The following CD82 variants were observed in gnomAD, a reference collection of about 807,000 sequenced individuals.
CD82 encodes CD82 antigen.
Under a neutral mutation model 37.4 loss-of-function variants are expected in CD82, and 36 were observed. The observed-to-expected ratio is 0.96, with a 90% CI of 0.74 to 1.27. The LOEUF (loss-of-function observed/expected upper bound fraction) is 1.27. CD82 is among the 50% of genes most tolerant of loss of function. CD82 has a pLI of 0.00. For missense variants in CD82, 340 were observed against 347.0 expected (o/e 0.98, Z 0.16); for synonymous variants, 158 against 137.4 (o/e 1.15, Z -1.05).
intron 3 of CD82, 142 bp downstream of exon 3, chr11:44,594,867 C>T (rs7925576): frequency 7.7e-5 from 53 of 684,982 alleles, no homozygotes; most frequent in South Asian, 1.8e-4. Flanking sequence ...CTATCTCCAA[C>T]GGAACCTAGT....
At chr11:44,581,066 T>C (rs568137301) in intron 1 of CD82, among the ~76,000 whole-genome samples, 1 of 152,300 alleles carries the variant, frequency 6.6e-6, no homozygotes, top group Admixed American at 6.5e-5. Context: ...CTGGGATCAG[T>C]GTGCAAGCTG....
At chr11:44,579,564 C>T (rs11607295) in intron 1 of CD82, among the ~76,000 whole-genome samples, 63,635 of 151,988 alleles carry the variant, frequency 0.42, 14,439 homozygotes, top group East Asian at 0.81. Context: ...TCTCACTCCC[C>T]GCTCTGTACC....
chr11:44,585,301 C>T (rs556856177), intron 1 of CD82: 3 of 456,178 alleles, frequency 6.6e-6, no homozygotes, highest in African/African-American at 6.0e-5. Flanking sequence ...TAGTTGGTAA[C>T]ATTTATCTGA....
In CD82 at chr11:44,605,086, G is replaced by C. The variant is rs1482594040; in HGVS notation, c.165G>C (p.Gly55=). Residue 55 remains glycine, a synonymous_variant, in exon 5 of 10, where the codon GGG becomes GGC. Transcript: ENST00000227155. ...CCTCCTCCAGCTCGCTTAGGATGGG[G>C]GCCTATGTCTTCATCGGCGTGGGGG... is the stretch of plus-strand genomic sequence containing the variant. ...LQTSSSSLRM[G]AYVFIGVGAV... 6.2e-7 allele frequency: 1 copy of C among 1,614,180 alleles called. No individual in the cohort carries two copies. Among genetic ancestry groups the C allele is most frequent in the Admixed American group, 1.7e-5 (1 of 60,034 alleles).
At chr11:44,582,372 T>C (rs1366607566) in intron 1 of CD82, among the ~76,000 whole-genome samples, 1 of 152,206 alleles carries the variant, frequency 6.6e-6, no homozygotes, top group Non-Finnish European at 1.5e-5. Context: ...CAAGGGACAA[T>C]CTTTCTGCAA....
chr11:44,603,726 G>T (rs1018842913), intron 4 of CD82, among the ~76,000 whole-genome samples: 1 of 152,278 alleles, frequency 6.6e-6, no homozygotes, highest in African/African-American at 2.4e-5. Context: ...CTGTGTGATG[G>T]GTTGGGTGTC....
intron 1 of CD82, among the ~76,000 whole-genome samples, chr11:44,581,464 A>T (rs1852978017): frequency 6.6e-6 from 1 of 152,174 alleles, no homozygotes; most frequent in African/African-American, 2.4e-5. Context: ...TGCGTTTGTC[A>T]TTGTTAAACA....
chr11:44,601,578 C>G (rs1853310168), intron 4 of CD82, among the ~76,000 whole-genome samples: 2 of 152,208 alleles, frequency 1.3e-5, no homozygotes, highest in Admixed American at 6.5e-5. Context: ...CACATTTCTG[C>G]CCTCTGCGCC....
At chr11:44,600,707 G>A (rs1316705460) in intron 4 of CD82, among the ~76,000 whole-genome samples, 1 of 152,196 alleles carries the variant, frequency 6.6e-6, no homozygotes, top group Non-Finnish European at 1.5e-5. Context: ...GATGAGGAAG[G>A]TTCCAGGCAC....
At chr11:44,605,757 G>A (rs1004674432) in intron 6 of CD82, among the ~76,000 whole-genome samples, 1 of 152,198 alleles carries the variant, frequency 6.6e-6, no homozygotes, top group Admixed American at 6.5e-5. Context: ...CTCTCAGAGT[G>A]GTTGCAAAGA....
chr11:44,613,096 C>T (rs1853509616), intron 6 of CD82, among the ~76,000 whole-genome samples: 1 of 152,206 alleles, frequency 6.6e-6, no homozygotes, highest in East Asian at 1.9e-4. Flanking sequence ...GCTCTGAAAC[C>T]CCACCTGGAA....
intron 1 of CD82, among the ~76,000 whole-genome samples, chr11:44,567,343 G>A (rs1418201534): frequency 2.0e-5 from 3 of 152,112 alleles, no homozygotes; most frequent in Non-Finnish European, 2.9e-5. Flanking sequence ...AGTGCTGTGG[G>A]ACAGAGACGG....
At chr11:44,598,553 C>T (rs147119891) in intron 3 of CD82, among the ~76,000 whole-genome samples, 2,295 of 151,838 alleles carry the variant, frequency 0.015, 36 homozygotes, top group Middle Eastern at 0.051. Context: ...GCTGGGATTA[C>T]AGGACCCCAT....
intron 3 of CD82, among the ~76,000 whole-genome samples, chr11:44,598,638 G>A (rs989283549): frequency 6.6e-6 from 1 of 151,996 alleles, no homozygotes; most frequent in Non-Finnish European, 1.5e-5. Context: ...TCAAACTCCT[G>A]ACCTCAGGTG....
In CD82 at chr11:44,597,733, G is replaced by A. The variant is rs75783701; in HGVS notation, c.64-2425G>A. Among the ~76,000 whole-genome samples, 923 of 152,340 alleles carry A rather than the reference G, an allele frequency of 6.1e-3. 16 individuals carry two copies. Among genetic ancestry groups the A allele is most frequent in the African/African-American group, 0.021 (880 of 41,572 alleles). On this transcript the variant is annotated intron_variant, in intron 3 of 9. Coordinates refer to ENST00000227155, the MANE Select transcript of CD82 (RefSeq NM_002231.4). The surrounding 1 kb of genome is among the most constrained non-coding windows in gnomAD (Gnocchi z 4.1). ...CTGTCCCACCCTGTGAATGTGGGAG[G>A]GAATGGGGCAGGGGCTCTGCCCACA... is the stretch of plus-strand genomic sequence containing the variant.
chr11:44,590,359 A>G (rs1853122723), intron 2 of CD82, among the ~76,000 whole-genome samples: 1 of 151,842 alleles, frequency 6.6e-6, no homozygotes, highest in Non-Finnish European at 1.5e-5. Flanking sequence ...CTGTAATCCC[A>G]GCACTTTAGG....
In CD82 at chr11:44,615,386, G is replaced by T. The variant is rs376294429; in HGVS notation, c.438+13G>T. On this transcript the variant is annotated intron_variant, in intron 7 of 9. Coordinates refer to ENST00000227155, the MANE Select transcript of CD82 (RefSeq NM_002231.4). Reference sequence around the variant, plus strand: ...CGTGCAGGCTCAGGTGAGGTGGGGCGGGGCTGCAGGAGGCTCTCTGGCCTG... The same window carrying T: ...CGTGCAGGCTCAGGTGAGGTGGGGCTGGGCTGCAGGAGGCTCTCTGGCCTG... 7.1e-6 allele frequency: 11 copies of T among 1,557,618 alleles called. No homozygotes were observed. In the African/African-American group the frequency reaches 1.4e-4, roughly 19 times the overall value.
intron 1 of CD82, among the ~76,000 whole-genome samples, chr11:44,578,558 C>G (rs1244498000): frequency 6.6e-6 from 1 of 152,192 alleles, no homozygotes; most frequent in Admixed American, 6.5e-5. Context: ...TTTTGCTACT[C>G]AAACCACACA....
At chr11:44,580,217 C>A (rs1164331753) in intron 1 of CD82, among the ~76,000 whole-genome samples, 2 of 152,246 alleles carry the variant, frequency 1.3e-5, no homozygotes, top group Non-Finnish European at 2.9e-5. Flanking sequence ...ACCGGCCCAT[C>A]TCTCTGTGTT....
Sources: gnomAD v4.1 joint callset for allele counts (sites outside exome capture counted in the v4.1 genomes callset) on GRCh38, gnomAD v4.1.1 for gene constraint, Gnocchi (gnomAD v3.1) non-coding constraint, MANE v1.5 for transcripts, NCBI Gene and HGNC (gene_info 2026-07-23, HGNC 2026-07-21) for gene names.